The following CLYBL variants were observed in gnomAD, a reference collection of about 807,000 sequenced individuals.
CLYBL encodes the protein citramalyl-CoA lyase, mitochondrial.
Under a neutral mutation model 38.9 loss-of-function variants are expected in CLYBL, and 31 were observed. The observed-to-expected ratio is 0.80, with a 90% CI of 0.60 to 1.08. The LOEUF is 1.08. Ranked by LOEUF, CLYBL falls within the 50% of genes least tolerant of loss-of-function variation. The pLI is 0.00. For synonymous variants in CLYBL, 171 were observed against 158.6 expected, an observed-to-expected ratio of 1.08 and a Z score of -0.59; for missense variants, 434 against 411.6, an observed-to-expected ratio of 1.05 and a Z score of -0.47.
chr13:99,809,343 C>T (rs2050294943), intron 2 of CLYBL, among the ~76,000 whole-genome samples: 1 of 152,240 alleles, frequency 6.6e-6, no homozygotes, highest in Non-Finnish European at 1.5e-5. Context: ...CTGGGAGCCT[C>T]CCTTCTGTGC....
chr13:99,716,701 C>G (rs1266435722), intron 1 of CLYBL, among the ~76,000 whole-genome samples: 8 of 148,908 alleles, frequency 5.4e-5, no homozygotes, highest in Admixed American at 1.3e-4. Flanking sequence ...GTTTTTGCCT[C>G]CTTCAGTTTT....
chr13:99,758,022 A>G (rs905283593), intron 1 of CLYBL, among the ~76,000 whole-genome samples: 8 of 152,242 alleles, frequency 5.3e-5, no homozygotes, highest in African/African-American at 1.9e-4. Flanking sequence ...CTCACATGAC[A>G]GCAATAAGAG....
rs897825723 is a variant in CLYBL at position 99,670,409 on chromosome 13, A to G, written c.62+63652A>G. On this transcript the variant is annotated intron_variant, in intron 1 of 8. Coordinates refer to ENST00000339105, the MANE Select transcript of CLYBL (RefSeq NM_206808.5). ...AAATTTAAGAAGTTCTTCACCATCCAAGTTATGTTACGTGGAATTTCCCGT... is the reference window on the plus strand; with the variant it reads ...AAATTTAAGAAGTTCTTCACCATCCGAGTTATGTTACGTGGAATTTCCCGT... 3.3e-5 allele frequency among the ~76,000 whole-genome samples: 5 copies of G among 152,204 alleles called. No individual in the cohort carries two copies. The East Asian group carries it at 9.6e-4, about 29-fold the overall frequency.
At chr13:99,816,822 G>A (rs540459034) in intron 2 of CLYBL, among the ~76,000 whole-genome samples, 2 of 152,290 alleles carry the variant, frequency 1.3e-5, no homozygotes, top group Non-Finnish European at 2.9e-5. Context: ...ATGGTATTTT[G>A]TTATAGAAGC....
intron 1 of CLYBL, among the ~76,000 whole-genome samples, chr13:99,680,900 C>T (rs149826803): frequency 6.6e-6 from 1 of 151,522 alleles, no homozygotes; most frequent in East Asian, 2.0e-4. Context: ...TGATAAGCGC[C>T]GCATTTTTCA....
At chr13:99,745,757 T>C (rs2048839181) in intron 1 of CLYBL, among the ~76,000 whole-genome samples, 1 of 152,130 alleles carries the variant, frequency 6.6e-6, no homozygotes. Flanking sequence ...CTTTCGTGTG[T>C]GTGGTATGGG....
intron 1 of CLYBL, among the ~76,000 whole-genome samples, chr13:99,756,542 C>T (rs906288484): frequency 6.6e-6 from 1 of 152,220 alleles, no homozygotes; most frequent in Non-Finnish European, 1.5e-5. Context: ...TGGCCCAGGA[C>T]AGCTTTGAAT....
chr13:99,668,698 C>G (rs762265476), intron 1 of CLYBL, among the ~76,000 whole-genome samples: 1 of 152,150 alleles, frequency 6.6e-6, no homozygotes, highest in African/African-American at 2.4e-5. Flanking sequence ...TCTAAATCCC[C>G]TCCCTGGGCA....
chr13:99,724,853 TC>T (rs1427468120), intron 1 of CLYBL, among the ~76,000 whole-genome samples: 6 of 152,226 alleles, frequency 3.9e-5, no homozygotes, highest in African/African-American at 1.4e-4. Context: ...GAACAAGTGT[TC>T]CTTGTGTACC....
intron 7 of CLYBL, among the ~76,000 whole-genome samples, chr13:99,880,786 C>G (rs971998697): frequency 6.6e-6 from 1 of 152,256 alleles, no homozygotes; most frequent in Non-Finnish European, 1.5e-5. Context: ...TTCCGTGCCC[C>G]TCATGGCCCT....
intron 1 of CLYBL, among the ~76,000 whole-genome samples, chr13:99,742,329 G>A (rs1436314786): frequency 6.6e-6 from 1 of 152,178 alleles, no homozygotes; most frequent in Non-Finnish European, 1.5e-5. Context: ...TAAGCAGGAA[G>A]CCTTCTTTGC....
At chr13:99,860,101 T>C (rs2051563756) in intron 3 of CLYBL, among the ~76,000 whole-genome samples, 1 of 152,114 alleles carries the variant, frequency 6.6e-6, no homozygotes, top group Non-Finnish European at 1.5e-5. Flanking sequence ...CTTCTGAGCA[T>C]TGAAACGTGG....
chr13:99,641,016 A>G (rs2047084745), intron 1 of CLYBL, among the ~76,000 whole-genome samples: 1 of 152,224 alleles, frequency 6.6e-6, no homozygotes, highest in South Asian at 2.1e-4. Flanking sequence ...CTAATATAGA[A>G]TTCTCATTAG....
intron 1 of CLYBL, among the ~76,000 whole-genome samples, chr13:99,634,287 C>A (rs189455202): frequency 6.6e-6 from 1 of 152,190 alleles, no homozygotes; most frequent in Non-Finnish European, 1.5e-5. Flanking sequence ...AAATAAAGAC[C>A]TTTATAATTA....
chr13:99,629,574 T>C (rs931800729), intron 1 of CLYBL, among the ~76,000 whole-genome samples: 4 of 152,222 alleles, frequency 2.6e-5, no homozygotes, highest in African/African-American at 9.6e-5. Flanking sequence ...TGGACTTCAC[T>C]GCTTGTCTCT....
intron 1 of CLYBL, among the ~76,000 whole-genome samples, chr13:99,654,959 C>T (rs1204240200): frequency 1.3e-5 from 2 of 151,978 alleles, no homozygotes; most frequent in South Asian, 2.1e-4. Flanking sequence ...GAGCCGAGAT[C>T]GCGCTCCGAA....
chr13:99,870,139 G>C (rs1331662281), intron 6 of CLYBL, among the ~76,000 whole-genome samples: 1 of 152,064 alleles, frequency 6.6e-6, no homozygotes, highest in Non-Finnish European at 1.5e-5. Flanking sequence ...TCTGGGATAT[G>C]TAGGGTGCTA....
intron 1 of CLYBL, among the ~76,000 whole-genome samples, chr13:99,659,073 T>G (rs1040872371): frequency 6.6e-6 from 1 of 152,230 alleles, no homozygotes; most frequent in Non-Finnish European, 1.5e-5. Context: ...ACATCTGTTT[T>G]TATGCTCTTT....
At chr13:99,715,586 T>G (rs1037891142) in intron 1 of CLYBL, among the ~76,000 whole-genome samples, 4 of 151,864 alleles carry the variant, frequency 2.6e-5, no homozygotes, top group African/African-American at 9.7e-5. Context: ...GTATTTTTTA[T>G]AGAGCTCAAG....
Sources: allele counts gnomAD v4.1 joint callset (sites outside exome capture counted in the v4.1 genomes callset), GRCh38; gene constraint gnomAD v4.1.1; transcripts MANE v1.5; gene names NCBI Gene and HGNC (gene_info 2026-07-23, HGNC 2026-07-21).